The following KIF6 variants were observed in gnomAD, a reference collection of about 807,000 sequenced individuals.
KIF6 encodes kinesin family member 6.
Under a neutral mutation model 112.7 loss-of-function variants are expected in KIF6, and 106 were observed. That is an observed-to-expected ratio of 0.94 (90% CI 0.80 to 1.11). KIF6 has a LOEUF of 1.11. Ranked by LOEUF, KIF6 falls within the 50% of genes least tolerant of loss-of-function variation. The pLI is 0.00. For synonymous variants in KIF6, 339 were observed against 339.9 expected, an observed-to-expected ratio of 1.00 and a Z score of 0.03; for missense variants, 929 against 964.0, an observed-to-expected ratio of 0.96 and a Z score of 0.48.
At chr6:39,533,593 A>T (rs1467713565) in intron 13 of KIF6, among the ~76,000 whole-genome samples, 1 of 152,066 alleles carries the variant, frequency 6.6e-6, no homozygotes, top group Admixed American at 6.5e-5. Context: ...GGGCACAGAC[A>T]AACAAAAAGA....
At chr6:39,552,382 A>G (rs1582117300) in intron 10 of KIF6, among the ~76,000 whole-genome samples, 1 of 152,186 alleles carries the variant, frequency 6.6e-6, no homozygotes, top group East Asian at 1.9e-4. Flanking sequence ...GCACTTTCAC[A>G]TATATTTTGT....
At chr6:39,505,731 G>A (rs1200691953) in intron 13 of KIF6, among the ~76,000 whole-genome samples, 1 of 152,070 alleles carries the variant, frequency 6.6e-6, no homozygotes, top group African/African-American at 2.4e-5. Context: ...ACATACATGA[G>A]GCCAACAAAC....
rs182990979 is a variant in KIF6 at position 39,471,041 on chromosome 6, G to T, written c.1646-39880C>A. On this transcript the variant is annotated intron_variant, in intron 13 of 22. Coordinates refer to ENST00000287152, the MANE Select transcript of KIF6 (RefSeq NM_145027.6). ...AGTTAAGGCCTTGAGTTTGCCAGAA[G>T]TTTGTAATCCTTGGTCCAGCAAAAT... is the stretch of plus-strand genomic sequence containing the variant. Among the ~76,000 whole-genome samples the T allele has an allele frequency of 3.9e-5, 6 of 152,336 alleles. No individual in the cohort carries two copies. The East Asian group carries it at 7.7e-4, about 20-fold the overall frequency.
chr6:39,550,540 G>A (rs1184437999), intron 10 of KIF6, among the ~76,000 whole-genome samples: 4 of 152,164 alleles, frequency 2.6e-5, no homozygotes, highest in African/African-American at 9.7e-5. Context: ...TATCAAGCTG[G>A]AAATAGTGAG....
intron 10 of KIF6, among the ~76,000 whole-genome samples, chr6:39,577,574 C>T (rs974405158): frequency 1.3e-5 from 2 of 152,162 alleles, no homozygotes; most frequent in African/African-American, 4.8e-5. Flanking sequence ...GCCCTGAATA[C>T]CTGCTTTCAT....
At chr6:39,395,772 A>C (rs947244439) in intron 15 of KIF6, among the ~76,000 whole-genome samples, 3 of 152,100 alleles carry the variant, frequency 2.0e-5, no homozygotes, top group African/African-American at 7.2e-5. Context: ...ACATGCTCCT[A>C]CTTGCACTGG....
chr6:39,574,560 A>AT (rs959226948), intron 10 of KIF6, among the ~76,000 whole-genome samples: 31 of 151,768 alleles, frequency 2.0e-4, no homozygotes, highest in African/African-American at 7.3e-4. Context: ...ATTTAGAGTA[A>AT]TTTTTTTTCC....
At chr6:39,569,023 T>C (rs1189481659) in intron 10 of KIF6, among the ~76,000 whole-genome samples, 1 of 152,210 alleles carries the variant, frequency 6.6e-6, no homozygotes, top group Non-Finnish European at 1.5e-5. Context: ...AGGTTCATAG[T>C]TTCCTGAAAT....
intron 9 of KIF6, among the ~76,000 whole-genome samples, chr6:39,584,122 A>G (rs920028140): frequency 6.6e-6 from 1 of 152,060 alleles, no homozygotes; most frequent in Non-Finnish European, 1.5e-5. Context: ...GAGCTTTTAT[A>G]TAAGATGGAC....
At chr6:39,492,566 G>C (rs1299633694) in intron 13 of KIF6, among the ~76,000 whole-genome samples, 1 of 152,198 alleles carries the variant, frequency 6.6e-6, no homozygotes. Context: ...AAGAAGTGGA[G>C]CTGAGTTCCA....
chr6:39,516,815 T>C (rs948588180), intron 13 of KIF6, among the ~76,000 whole-genome samples: 1 of 152,186 alleles, frequency 6.6e-6, no homozygotes, highest in South Asian at 2.1e-4. Context: ...AATGATACAA[T>C]GCCTAGATTA....
chr6:39,455,047 A>G (rs1439563436), intron 13 of KIF6, among the ~76,000 whole-genome samples: 1 of 149,952 alleles, frequency 6.7e-6, no homozygotes, highest in Non-Finnish European at 1.5e-5. Flanking sequence ...CTGCCTCTGT[A>G]GGCTCCACCT....
chr6:39,450,049 C>G (rs957863613), intron 13 of KIF6, among the ~76,000 whole-genome samples: 2 of 152,182 alleles, frequency 1.3e-5, no homozygotes, highest in Non-Finnish European at 2.9e-5. Flanking sequence ...TACATTTTAA[C>G]TCCATGAATA....
intron 9 of KIF6, among the ~76,000 whole-genome samples, chr6:39,582,410 G>A (rs1781345486): frequency 6.6e-6 from 1 of 151,752 alleles, no homozygotes. Context: ...GTTTTGTTTG[G>A]TTTGGTTTGG....
At chr6:39,625,033 G>C (rs903518502) in intron 5 of KIF6, among the ~76,000 whole-genome samples, 1 of 143,618 alleles carries the variant, frequency 7.0e-6, no homozygotes, top group African/African-American at 2.6e-5. Context: ...CTTATAAGAA[G>C]AGCTCTCTCT....
At chr6:39,394,422 C>T (rs999051021) in intron 15 of KIF6, among the ~76,000 whole-genome samples, 5 of 152,086 alleles carry the variant, frequency 3.3e-5, no homozygotes, top group Admixed American at 6.6e-5. Context: ...GAAGTCTCAG[C>T]GACAGGGATA....
intron 15 of KIF6, among the ~76,000 whole-genome samples, chr6:39,415,441 C>T (rs1769849329): frequency 6.6e-6 from 1 of 152,248 alleles, no homozygotes; most frequent in South Asian, 2.1e-4. Flanking sequence ...GTGTCTCCTC[C>T]CTGTGAGGAT....
intron 13 of KIF6, among the ~76,000 whole-genome samples, chr6:39,442,959 A>G (rs1772016796): frequency 1.3e-5 from 2 of 151,586 alleles, no homozygotes; most frequent in African/African-American, 4.8e-5. Flanking sequence ...TAAAAATACA[A>G]AAAAATTAGC....
chr6:39,403,805 A>G (rs1768883765), intron 15 of KIF6, among the ~76,000 whole-genome samples: 1 of 152,196 alleles, frequency 6.6e-6, no homozygotes, highest in Admixed American at 6.5e-5. Flanking sequence ...ATTACTTGGT[A>G]TTGTCAGTTA....
Sources: allele counts gnomAD v4.1 joint callset (sites outside exome capture counted in the v4.1 genomes callset), GRCh38; gene constraint gnomAD v4.1.1; transcripts MANE v1.5; gene names NCBI Gene and HGNC (gene_info 2026-07-23, HGNC 2026-07-21).